The following KMT2E variants were observed in gnomAD, a reference collection of about 807,000 sequenced individuals.
KMT2E encodes lysine methyltransferase 2E (inactive).
Under a neutral mutation model 184.6 loss-of-function variants are expected in KMT2E, and 30 were observed. The observed-to-expected ratio is 0.16, with a 90% CI of 0.12 to 0.22. The LOEUF is 0.22. KMT2E is among the 10% of genes least tolerant of loss of function. The pLI is 1.00. For missense variants in KMT2E, 2,023 were observed against 2,237.4 expected, an observed-to-expected ratio of 0.90 and a Z score of 1.93; for synonymous variants, 815 against 776.5, an observed-to-expected ratio of 1.05 and a Z score of -0.82.
At chr7:105,064,465 T>A (rs1014804801) in intron 5 of KMT2E, among the ~76,000 whole-genome samples, 1 of 152,080 alleles carries the variant, frequency 6.6e-6, no homozygotes, top group Non-Finnish European at 1.5e-5. Flanking sequence ...TTGAATTACT[T>A]GTAATATTAT....
intron 3 of KMT2E, among the ~76,000 whole-genome samples, chr7:105,053,277 T>C (rs1352921699): frequency 6.6e-6 from 1 of 152,090 alleles, no homozygotes; most frequent in African/African-American, 2.4e-5. Flanking sequence ...TAAGTGATTG[T>C]TTACTGACCA....
chr7:105,107,964 T>TG, intron 22 of KMT2E, 39 bp downstream of exon 22: 1 of 1,417,850 alleles, frequency 7.1e-7, no homozygotes, highest in South Asian at 1.5e-5. Context: ...TTAATAGTTT[T>TG]TTTTTTTTTT....
chr7:105,094,020 A>G (rs1476519182), intron 15 of KMT2E, among the ~76,000 whole-genome samples: 3 of 152,136 alleles, frequency 2.0e-5, no homozygotes, highest in Admixed American at 6.6e-5. Flanking sequence ...AGTTATCACA[A>G]TTGTTACTTC....
At chr7:105,092,106 T>A (rs920839928) in intron 15 of KMT2E, among the ~76,000 whole-genome samples, 1 of 152,160 alleles carries the variant, frequency 6.6e-6, no homozygotes, top group African/African-American at 2.4e-5. Flanking sequence ...ACGTCACATA[T>A]TTAAGGGTGG....
intron 8 of KMT2E, among the ~76,000 whole-genome samples, chr7:105,075,547 T>G (rs1797491786): frequency 6.6e-6 from 1 of 152,214 alleles, no homozygotes; most frequent in Non-Finnish European, 1.5e-5. Flanking sequence ...AACAAAATTA[T>G]ATGTCTAACA....
intron 1 of KMT2E, among the ~76,000 whole-genome samples, chr7:105,023,446 ATT>A (rs768807801): frequency 3.9e-5 from 5 of 129,310 alleles, no homozygotes; most frequent in Admixed American, 8.2e-5. Context: ...TCATTAAGCA[ATT>A]TTTTTTTTTT....
At chr7:105,060,154 C>G (rs1479594069) in intron 3 of KMT2E, among the ~76,000 whole-genome samples, 1 of 151,536 alleles carries the variant, frequency 6.6e-6, no homozygotes, top group Non-Finnish European at 1.5e-5. Flanking sequence ...GCCATCACCC[C>G]TGCCTACTTA....
chr7:105,107,686 A>C lies in KMT2E; in HGVS notation c.3229A>C (p.Asn1077His). The C allele has an allele frequency of 6.2e-7, 1 of 1,614,136 alleles. No individual in the cohort carries two copies. Among genetic ancestry groups the C allele is most frequent in the East Asian group, 2.2e-5 (1 of 44,864 alleles). The change falls in exon 22 of 27, where the codon AAC becomes CAC. Residue 1077 changes from asparagine to histidine, a missense_variant. Coordinates refer to ENST00000311117, the MANE Select transcript of KMT2E (RefSeq NM_182931.3). The part of the protein sequence containing the change: ...WVKSPDRTGV[N>H]FSVNSNLRDL... ...AAAGAGCCCTGACAGAACAGGAGTT[A>C]ACTTCTCAGTGAACTCCAACTTGAG... is the stretch of plus-strand genomic sequence containing the variant.
chr7:105,088,949 C>A (rs1465623447), intron 13 of KMT2E, among the ~76,000 whole-genome samples: 1 of 152,296 alleles, frequency 6.6e-6, no homozygotes, highest in East Asian at 1.9e-4. Flanking sequence ...AAGGGTAAGA[C>A]AAACTAGTTG....
chr7:105,073,051 T>G (rs980722112), intron 6 of KMT2E, among the ~76,000 whole-genome samples: 8 of 147,602 alleles, frequency 5.4e-5, no homozygotes, highest in African/African-American at 1.2e-4. Flanking sequence ...ACATTATGGG[T>G]TTTTTTTTTT....
intron 3 of KMT2E, among the ~76,000 whole-genome samples, chr7:105,060,875 C>A (rs535824962): frequency 3.1e-4 from 47 of 152,276 alleles, no homozygotes; most frequent in South Asian, 1.7e-3. Flanking sequence ...AATAGTTATG[C>A]CATTTAGCCT....
rs1281417093 is a variant in KMT2E, at chr7:105,112,901, C to T, written c.5145C>T (p.Pro1715=). 1 of 1,612,502 alleles carries T rather than the reference C, an allele frequency of 6.2e-7. No homozygotes were observed. The highest frequency in any genetic ancestry group is 1.7e-4 in the Middle Eastern group (1 of 6,060). Residue 1715 remains proline (P), a synonymous_variant, in exon 27 of 27, where the codon CCC becomes CCT. Coordinates refer to ENST00000311117, the MANE Select transcript of KMT2E (RefSeq NM_182931.3). ...ACCAGCATGTTGTAAATTCAGCACCCCCACCACCCCCTCCGCCGCCACCTT... is the reference window on the plus strand; with the variant it reads ...ACCAGCATGTTGTAAATTCAGCACCTCCACCACCCCCTCCGCCGCCACCTT... ...AQHQHVVNSA[P]PPPPPPPPSS...
At chr7:105,054,093 A>C (rs1796459663) in intron 3 of KMT2E, among the ~76,000 whole-genome samples, 1 of 150,068 alleles carries the variant, frequency 6.7e-6, no homozygotes, top group Admixed American at 6.7e-5. Flanking sequence ...AATCACTTGA[A>C]CCCGGGAGGT....
intron 13 of KMT2E, chr7:105,089,130 TTTC>T (rs1798099661): frequency 3.5e-6 from 1 of 283,770 alleles, no homozygotes. Context: ...TGTTTGTTTT[TTTC>T]TTCTTCTGTA....
chr7:105,056,144 C>G (rs985995338), intron 3 of KMT2E, among the ~76,000 whole-genome samples: 7 of 152,028 alleles, frequency 4.6e-5, no homozygotes, highest in African/African-American at 7.2e-5. Flanking sequence ...CCAGGGGTCT[C>G]TGAGCTTTTT....
chr7:105,110,124 T>C (rs1294843405), intron 23 of KMT2E, among the ~76,000 whole-genome samples, 156 bp from the exon 24 acceptor site: 1 of 152,178 alleles, frequency 6.6e-6, no homozygotes, highest in Non-Finnish European at 1.5e-5. Context: ...TGAGCCACTG[T>C]GCCCTGCCAA....
chr7:105,087,283 T>TATAATA (rs1798020092), intron 13 of KMT2E, among the ~76,000 whole-genome samples: 5 of 109,088 alleles, frequency 4.6e-5, no homozygotes, highest in African/African-American at 2.0e-4. Context: ...TATATAAATA[T>TATAATA]GATATAATAT....
At position 105,101,379 on chromosome 7, in the gene KMT2E, T is replaced by C. The variant is rs780617608; in HGVS notation, c.1723-46T>C. ...CAAACATTTGGACTTAATTTTACTT[T>C]TGAGCATTGATATTTATGATGTCAC... On this transcript the variant is annotated intron_variant, in intron 15 of 26. Coordinates refer to ENST00000311117, the MANE Select transcript of KMT2E (RefSeq NM_182931.3). 6.8e-6 allele frequency: 9 copies of C among 1,323,740 alleles called. No individual in the cohort carries two copies. In the South Asian group the frequency reaches 1.4e-4, roughly 21 times the overall value. The allele number at this position is 1,323,740 out of a possible 1,614,324, so 82.0% of individuals were successfully genotyped here.
At chr7:105,047,468 G>A (rs1042162485) in intron 3 of KMT2E, among the ~76,000 whole-genome samples, 1 of 152,180 alleles carries the variant, frequency 6.6e-6, no homozygotes, top group Non-Finnish European at 1.5e-5. Flanking sequence ...CTATATGAAT[G>A]CCATTTTTAT....
Sources: gnomAD v4.1 joint callset for allele counts (sites outside exome capture counted in the v4.1 genomes callset) on GRCh38, gnomAD v4.1.1 for gene constraint, MANE v1.5 for transcripts, NCBI Gene and HGNC (gene_info 2026-07-23, HGNC 2026-07-21) for gene names.